GPR149: variants seen among roughly 807,000 people sequenced by gnomAD.
The protein encoded by GPR149 is probable G protein-coupled receptor 149.
A neutral mutation model predicts 50.2 loss-of-function variants in GPR149; 50 were observed. The observed-to-expected ratio is 1.00, with a 90% CI of 0.79 to 1.26. GPR149 has a LOEUF of 1.26. Ranked by LOEUF, GPR149 falls within the 50% of genes most tolerant of loss-of-function variation. GPR149 has a pLI of 0.00. For synonymous variants in GPR149, 405 were observed against 358.2 expected, an observed-to-expected ratio of 1.13 and a Z score of -1.48; for missense variants, 983 against 895.4, an observed-to-expected ratio of 1.10 and a Z score of -1.25.
chr3:154,363,606 C>A lies in GPR149; in HGVS notation c.1624-25335G>T, dbSNP rs570334106. On this transcript the variant is annotated intron_variant, in intron 3 of 3. Transcript: ENST00000389740. Reference sequence around the variant, plus strand: ...TTCCTTAGGCAGACAGGGACAAGTCCCCAGTGAAATCCAACCTTCAAGCCA... The same window carrying A: ...TTCCTTAGGCAGACAGGGACAAGTCACCAGTGAAATCCAACCTTCAAGCCA... Among the ~76,000 whole-genome samples, 4 of 152,118 alleles carry A rather than the reference C, an allele frequency of 2.6e-5. No individual in the cohort carries two copies. The South Asian group carries it at 8.3e-4, about 32-fold the overall frequency.
In GPR149 at chr3:154,428,086, G is replaced by A. The variant is rs1175546410; in HGVS notation, c.982-378C>T. ...CCCTCACCTCCGCCCATGCGCGCTC[G>A]TCACAGTGGGGCGCCACTCTGCCAC... On this transcript the variant is annotated intron_variant, in intron 1 of 3. Transcript: ENST00000389740. Among the ~76,000 whole-genome samples the A allele has an allele frequency of 2.0e-5, 3 of 152,132 alleles. No individual in the cohort carries two copies. In the East Asian group the frequency reaches 5.8e-4, roughly 30 times the overall value.
At position 154,429,575 on chromosome 3, in the gene GPR149, C is replaced by A; in HGVS notation, c.41G>T (p.Ser14Ile). ...AGAATTATGATTCTCTTTCCACAGG[C>A]TAGAGTCATTTGTTGATAAGTTACT... ...FLSNLSTNDS[S>I]LWKENHNSTD... The change falls in exon 1 of 4, where the codon AGC becomes ATC. Residue 14 changes from serine to isoleucine, a missense_variant. Ser to Ile is a moderately radical substitution (Grantham distance 142). Transcript: ENST00000389740. The A allele has an allele frequency of 6.2e-7, 1 of 1,613,276 alleles. No homozygotes were observed. The highest frequency in any genetic ancestry group is 1.1e-5 in the South Asian group (1 of 91,046).
intron 2 of GPR149, among the ~76,000 whole-genome samples, chr3:154,423,349 G>T (rs1042549542): frequency 6.6e-6 from 1 of 151,838 alleles, no homozygotes; most frequent in African/African-American, 2.4e-5. Context: ...CAGGTAAAAC[G>T]ATATGAATTT....
At chr3:154,402,881 G>T (rs976642201) in intron 3 of GPR149, among the ~76,000 whole-genome samples, 2 of 152,140 alleles carry the variant, frequency 1.3e-5, no homozygotes, top group Admixed American at 6.5e-5. Context: ...TAAACTAATG[G>T]CAGATGAAAG....
chr3:154,338,675 A>C (rs984194744), intron 3 of GPR149, among the ~76,000 whole-genome samples: 1 of 152,228 alleles, frequency 6.6e-6, no homozygotes, highest in African/African-American at 2.4e-5. Flanking sequence ...GTTGGAAGAA[A>C]TGTAGACTGT....
At chr3:154,427,452 G>C in intron 2 of GPR149, 64 bp downstream of exon 2, 1 of 1,454,564 alleles carries the variant, frequency 6.9e-7, no homozygotes, top group Non-Finnish European at 9.3e-7. Context: ...TTTGTTAATA[G>C]ACCACTTTTC....
intron 3 of GPR149, among the ~76,000 whole-genome samples, chr3:154,388,869 A>C (rs934459237): frequency 8.2e-6 from 1 of 121,352 alleles, no homozygotes; most frequent in East Asian, 3.1e-4. Context: ...ACACATATGA[A>C]AAACACACAC....
chr3:154,358,739 T>C (rs1376929901), intron 3 of GPR149, among the ~76,000 whole-genome samples: 5 of 152,196 alleles, frequency 3.3e-5, no homozygotes, highest in Admixed American at 3.3e-4. Context: ...ATGATGCTTA[T>C]ACACTTCTAA....
chr3:154,346,675 C>T lies in GPR149; in HGVS notation c.1624-8404G>A, dbSNP rs546497034. Among the ~76,000 whole-genome samples, 4 of 151,972 alleles carry T rather than the reference C, an allele frequency of 2.6e-5. No homozygotes were observed. In the South Asian group the frequency reaches 8.3e-4, roughly 32 times the overall value. ...GAGTGAGTGGCACAATCTTGGCTCA[C>T]TGCAATCTCTGCCTCTTTCAAGTGA... On this transcript the variant is annotated intron_variant, in intron 3 of 3. Coordinates refer to ENST00000389740, the MANE Select transcript of GPR149 (RefSeq NM_001038705.3).
At chr3:154,410,152 GAC>G (rs1289112158) in intron 3 of GPR149, among the ~76,000 whole-genome samples, 9 of 152,020 alleles carry the variant, frequency 5.9e-5, no homozygotes, top group Admixed American at 2.0e-4. Flanking sequence ...ATGAAGGAAA[GAC>G]ACAGTTTTTT....
chr3:154,416,469 T>C (rs1576928787), intron 3 of GPR149, among the ~76,000 whole-genome samples: 1 of 151,958 alleles, frequency 6.6e-6, no homozygotes, highest in East Asian at 1.9e-4. Flanking sequence ...ACATTAAAAC[T>C]TGAGAAGCTC....
intron 3 of GPR149, among the ~76,000 whole-genome samples, chr3:154,368,325 T>G (rs553939522): frequency 9.8e-5 from 15 of 152,332 alleles, no homozygotes; most frequent in African/African-American, 2.9e-4. Context: ...CTTAAATTTT[T>G]GGGGTAGTGC....
chr3:154,354,447 C>T (rs748022767), intron 3 of GPR149, among the ~76,000 whole-genome samples: 13 of 152,184 alleles, frequency 8.5e-5, no homozygotes, highest in Non-Finnish European at 1.9e-4. Context: ...TCAAATACTG[C>T]CACCTTAGCC....
At chr3:154,413,515 A>G (rs943234380) in intron 3 of GPR149, among the ~76,000 whole-genome samples, 2 of 152,128 alleles carry the variant, frequency 1.3e-5, no homozygotes, top group African/African-American at 4.8e-5. Context: ...ACAATTCTCA[A>G]AAGAGGATAT....
intron 3 of GPR149, among the ~76,000 whole-genome samples, chr3:154,344,052 T>C (rs1472774354): frequency 2.0e-5 from 3 of 152,170 alleles, no homozygotes; most frequent in African/African-American, 4.8e-5. Context: ...AGAAATATTT[T>C]AAAATTATCT....
chr3:154,387,514 C>T (rs1052264149), intron 3 of GPR149, among the ~76,000 whole-genome samples: 1 of 152,164 alleles, frequency 6.6e-6, no homozygotes, highest in African/African-American at 2.4e-5. Context: ...GTGAGCCTGA[C>T]ATAAGCTCAA....
chr3:154,362,619 T>G (rs1032600612), intron 3 of GPR149, among the ~76,000 whole-genome samples: 9 of 152,230 alleles, frequency 5.9e-5, no homozygotes, highest in Admixed American at 4.6e-4. Flanking sequence ...GTGCCCTGAG[T>G]GAAGAGTGGA....
rs561241463 is a variant in GPR149, at chr3:154,421,172, C to T, written c.1490G>A (p.Gly497Glu). 2.5e-6 allele frequency: 4 copies of T among 1,613,440 alleles called. No individual in the cohort carries two copies. Among genetic ancestry groups the T allele is most frequent in the South Asian group, 2.2e-5 (2 of 91,070 alleles). ...NKKDAFSDKT[G>E]GDINYEETTF... ...AGTTTCTTCATAGTTAATATCACCT[C>T]CTGTTTTGTCAGAAAACGCATCCTT... is the stretch of plus-strand genomic sequence containing the variant. Residue 497 changes from glycine (G) to glutamate (E), a missense_variant, in exon 3 of 4, where the codon GGA becomes GAA. Gly to Glu is a moderately conservative substitution (Grantham distance 98). Coordinates refer to ENST00000389740, the MANE Select transcript of GPR149 (RefSeq NM_001038705.3).
At chr3:154,357,892 A>T (rs1714278591) in intron 3 of GPR149, among the ~76,000 whole-genome samples, 3 of 152,236 alleles carry the variant, frequency 2.0e-5, no homozygotes, top group Admixed American at 2.0e-4. Flanking sequence ...ATCCAACCCA[A>T]ATGTTCAACA....
Sources: gnomAD v4.1 joint callset for allele counts (sites outside exome capture counted in the v4.1 genomes callset) on GRCh38, gnomAD v4.1.1 for gene constraint, MANE v1.5 for transcripts, NCBI Gene and HGNC (gene_info 2026-07-23, HGNC 2026-07-21) for gene names.